The following PMFBP1 variants were observed in gnomAD, a reference collection of about 807,000 sequenced individuals.
PMFBP1 encodes polyamine modulated factor 1 binding protein 1.
In PMFBP1, 131 loss-of-function variants were observed where a neutral mutation model predicts 137.8. The ratio of observed to expected loss-of-function variants is 0.95; its 90% confidence interval spans 0.82 to 1.10. The LOEUF is 1.10. PMFBP1 is among the 50% of genes least tolerant of loss of function. PMFBP1 has a pLI of 0.00. For missense variants in PMFBP1, 1,199 were observed against 1,175.4 expected (o/e 1.02, Z -0.29); for synonymous variants, 490 against 450.4 (o/e 1.09, Z -1.11).
chr16:72,190,351 G>A, the PMFBP1 span, among the ~76,000 whole-genome samples: 1 of 152,162 alleles, frequency 6.6e-6, no homozygotes, highest in African/African-American at 2.4e-5. Context: ...CAGCCAGCTC[G>A]TGAAGCTAGA....
At chr16:72,172,996 G>A (rs2043235433), upstream of PMFBP1, among the ~76,000 whole-genome samples, 1 of 152,150 alleles carries the variant, frequency 6.6e-6, no homozygotes, top group Non-Finnish European at 1.5e-5. Context: ...ACTCACAAAT[G>A]ACTTCCACAC....
upstream of PMFBP1, among the ~76,000 whole-genome samples, chr16:72,179,483 T>C (rs1185427304): frequency 1.3e-5 from 2 of 152,128 alleles, no homozygotes; most frequent in Non-Finnish European, 2.9e-5. Context: ...AACATTTCCA[T>C]CTTTCTCTAG....
chr16:72,165,223 C>T (rs36012445), intron 2 of PMFBP1, among the ~76,000 whole-genome samples: 13,512 of 152,196 alleles, frequency 0.089, 708 homozygotes, highest in Non-Finnish European at 0.12. Flanking sequence ...TAGGCACCTA[C>T]TGGACTGTCT....
chr16:72,127,379 G>T (rs1176736015), intron 14 of PMFBP1, among the ~76,000 whole-genome samples: 1 of 152,060 alleles, frequency 6.6e-6, no homozygotes, highest in Non-Finnish European at 1.5e-5. Context: ...TCTTTTCTGG[G>T]GACTTCTGAA....
rs1215729340 is a variant in PMFBP1, at chr16:72,125,408, T to C, written c.2254-3A>G. 6.2e-6 allele frequency: 10 copies of C among 1,608,136 alleles called. No homozygotes were observed. The highest frequency in any genetic ancestry group is 6.8e-6 in the Non-Finnish European group (8 of 1,178,464). On this transcript the variant is annotated splice_polypyrimidine_tract_variant and splice_region_variant and intron_variant, in intron 15 of 20. Coordinates refer to ENST00000237353, the MANE Select transcript of PMFBP1 (RefSeq NM_031293.3). Reference sequence around the variant, plus strand: ...GTCTCTGAGGTCACGTGATTGAGCTTCCGGAAAAGACAAAGAGGACGAATG... The same window carrying C: ...GTCTCTGAGGTCACGTGATTGAGCTCCCGGAAAAGACAAAGAGGACGAATG...
chr16:72,166,163 C>G (rs573488692), intron 2 of PMFBP1, among the ~76,000 whole-genome samples: 1 of 152,296 alleles, frequency 6.6e-6, no homozygotes, highest in South Asian at 2.1e-4. Context: ...AGTCCCCAAC[C>G]AAACCTCATC....
rs144723690 is a variant in PMFBP1, at chr16:72,126,112, G to A, written c.2109C>T (p.Ser703=). 158 of 1,614,042 alleles carry A rather than the reference G, an allele frequency of 9.8e-5. No individual in the cohort carries two copies. The highest frequency in any genetic ancestry group is 1.3e-4 in the Non-Finnish European group (151 of 1,180,016). The change falls in exon 15 of 21, where the codon TCC becomes TCT. Residue 703 remains serine (S), a synonymous_variant. Coordinates refer to ENST00000237353, the MANE Select transcript of PMFBP1 (RefSeq NM_031293.3). ...LNKEIALQKE[S]LMSLQAQLDK... ...CCAGCTGGGCCTGCAGGCTCATTAA[G>A]GACTCCTTCTGAAGGGCTATCTTTA...
At position 72,166,442 on chromosome 16, in the gene PMFBP1, T is replaced by C. The variant is rs548083039; in HGVS notation, c.13-1526A>G. Reference sequence around the variant, plus strand: ...GAGTCAGTTAAACCTCTTTTCCTGATAAATTACTCAGTCTCCAGTAGTTCT... The same window carrying C: ...GAGTCAGTTAAACCTCTTTTCCTGACAAATTACTCAGTCTCCAGTAGTTCT... On this transcript the variant is annotated intron_variant, in intron 2 of 20. Coordinates refer to ENST00000237353, the MANE Select transcript of PMFBP1 (RefSeq NM_031293.3). 2.0e-5 allele frequency among the ~76,000 whole-genome samples: 3 copies of C among 152,340 alleles called. No individual in the cohort carries two copies. The East Asian group carries it at 5.8e-4, about 29-fold the overall frequency.
At position 72,129,241 on chromosome 16, in the gene PMFBP1, A is replaced by G. The variant is rs770464951; in HGVS notation, c.1783-8T>C. 26 of 1,608,644 alleles carry G rather than the reference A, an allele frequency of 1.6e-5. No individual in the cohort carries two copies. Among genetic ancestry groups the G allele is most frequent in the Non-Finnish European group, 2.2e-5 (26 of 1,179,700 alleles). On this transcript the variant is annotated splice_polypyrimidine_tract_variant and splice_region_variant and intron_variant, in intron 12 of 20. Coordinates refer to ENST00000237353, the MANE Select transcript of PMFBP1 (RefSeq NM_031293.3). ...GGAGCCTTGCTCCCTGTGCTGAAAA[A>G]ATAAAGACTGAGCTGAAAGACTGTC...
the PMFBP1 span, among the ~76,000 whole-genome samples, chr16:72,219,595 A>G: frequency 1.3e-5 from 2 of 151,962 alleles, no homozygotes; most frequent in Admixed American, 6.5e-5. Flanking sequence ...GAGTGAGGAG[A>G]TGTGTACTCA....
At chr16:72,120,117 G>C in intron 19 of PMFBP1, 28 bp from the exon 20 acceptor site, 1 of 1,614,090 alleles carries the variant, frequency 6.2e-7, no homozygotes, top group Non-Finnish European at 8.5e-7. Flanking sequence ...AGGACGGGTT[G>C]TGTTGGGGCT....
the PMFBP1 span, among the ~76,000 whole-genome samples, chr16:72,202,165 T>G: frequency 3.9e-5 from 6 of 152,178 alleles, 1 homozygote. Context: ...GACTTGGGAC[T>G]GGAGCTGGAT....
the PMFBP1 span, among the ~76,000 whole-genome samples, chr16:72,237,040 C>T: frequency 2.0e-5 from 3 of 152,154 alleles, no homozygotes; most frequent in Non-Finnish European, 4.4e-5. Context: ...TCCTCTTGAT[C>T]CAGATTTATG....
chr16:72,164,675 A>G, intron 3 of PMFBP1, 89 bp downstream of exon 3: 2 of 1,462,746 alleles, frequency 1.4e-6, no homozygotes, highest in Admixed American at 2.0e-5. Context: ...CTGAATGAAC[A>G]GTGGAAGAAC....
chr16:72,212,720 G>A, the PMFBP1 span, among the ~76,000 whole-genome samples: 1 of 152,192 alleles, frequency 6.6e-6, no homozygotes, highest in Non-Finnish European at 1.5e-5. Flanking sequence ...GGCTGAAAAG[G>A]TGAATGGGTA....
At chr16:72,144,062 T>C (rs1197013326) in intron 5 of PMFBP1, among the ~76,000 whole-genome samples, 1 of 151,822 alleles carries the variant, frequency 6.6e-6, no homozygotes, top group Non-Finnish European at 1.5e-5. Flanking sequence ...ATTAATAAAA[T>C]TAAATGTATA....
intron 3 of PMFBP1, among the ~76,000 whole-genome samples, chr16:72,157,922 G>A (rs1451256508): frequency 6.6e-6 from 1 of 152,148 alleles, no homozygotes; most frequent in Non-Finnish European, 1.5e-5. Context: ...TAGATGGTGG[G>A]ACATGATGGT....
chr16:72,119,754 C>T (rs773564174), intron 20 of PMFBP1, 97 bp downstream of exon 20: 2 of 1,540,352 alleles, frequency 1.3e-6, no homozygotes, highest in South Asian at 2.6e-5. Context: ...TGACTTGAGG[C>T]CACAAAAGGC....
At chr16:72,233,088 G>C in the PMFBP1 span, among the ~76,000 whole-genome samples, 1 of 152,050 alleles carries the variant, frequency 6.6e-6, no homozygotes, top group African/African-American at 2.4e-5. Flanking sequence ...ATTTCTATAA[G>C]TTGCTAAAGG....
Sources: gnomAD v4.1 joint callset for allele counts (sites outside exome capture counted in the v4.1 genomes callset) on GRCh38, gnomAD v4.1.1 for gene constraint, MANE v1.5 for transcripts, NCBI Gene and HGNC (gene_info 2026-07-23, HGNC 2026-07-21) for gene names.